Variants in IPO11 observed in about 807,000 individuals in gnomAD.
The protein encoded by IPO11 is importin-11.
In IPO11, 66 loss-of-function variants were observed where a neutral mutation model predicts 143.2. That is an observed-to-expected ratio of 0.46 (90% CI 0.38 to 0.57). The LOEUF (loss-of-function observed/expected upper bound fraction) is 0.57. Among genes scored for constraint, IPO11 ranks in the 20% least tolerant of loss-of-function variants. IPO11 has a pLI of 0.00. For missense variants in IPO11, 1,026 were observed against 1,141.0 expected, an observed-to-expected ratio of 0.90 and a Z score of 1.45; for synonymous variants, 385 against 377.8, an observed-to-expected ratio of 1.02 and a Z score of -0.22.
chr5:62,536,612 A>C, intron 22 of IPO11, 90 bp from the exon 23 acceptor site: 1 of 1,423,690 alleles, frequency 7.0e-7, no homozygotes, highest in Non-Finnish European at 9.4e-7. Flanking sequence ...TATGCAAATT[A>C]GTTTTAAATA....
chr5:62,523,331 G>A (rs888968146), intron 20 of IPO11, among the ~76,000 whole-genome samples: 2 of 152,104 alleles, frequency 1.3e-5, no homozygotes, highest in Non-Finnish European at 2.9e-5. Context: ...CTAACACTGT[G>A]CATTATTTGG....
intron 13 of IPO11, 27 bp from the exon 14 acceptor site, chr5:62,489,275 A>G (rs1420161916): frequency 1.9e-5 from 25 of 1,327,726 alleles, no homozygotes; most frequent in Non-Finnish European, 2.6e-5. Context: ...GCTTTTACTG[A>G]TACCTATTTA....
At chr5:62,415,832 TG>T (rs1743277081) in intron 1 of IPO11, among the ~76,000 whole-genome samples, 1 of 152,138 alleles carries the variant, frequency 6.6e-6, no homozygotes, top group South Asian at 2.1e-4. Context: ...ATACATTGAG[TG>T]GGAACTTCAT....
chr5:62,583,421 C>T (rs1744642604), intron 27 of IPO11, among the ~76,000 whole-genome samples: 1 of 152,080 alleles, frequency 6.6e-6, no homozygotes, highest in East Asian at 1.9e-4. Context: ...TTCCTAAATT[C>T]AAAAAAGGCA....
intron 21 of IPO11, among the ~76,000 whole-genome samples, chr5:62,527,981 C>T (rs935096955): frequency 6.6e-6 from 1 of 152,116 alleles, no homozygotes; most frequent in African/African-American, 2.4e-5. Context: ...ATAATTCCTA[C>T]CCTTACATGG....
chr5:62,490,233 TTTTATA>T lies in IPO11; in HGVS notation c.1463+19_1463+24del. ...TCATTCACAATAGGCAAGTATAAAA[TTTTATA>T]TTTATTATACACTTACTTTACCTTA... is the stretch of plus-strand genomic sequence containing the variant. On this transcript the variant is annotated intron_variant, in intron 15 of 29. Transcript: ENST00000325324. The T allele has an allele frequency of 6.6e-7, 1 of 1,508,100 alleles. No homozygotes were observed. Among genetic ancestry groups the T allele is most frequent in the East Asian group, 2.3e-5 (1 of 43,616 alleles). The allele number at this position is 1,508,100 out of a possible 1,614,324, so 93.4% of individuals were successfully genotyped here. A position where few individuals can be genotyped will look rare whatever the true frequency, so the allele number is the denominator to read the frequency against.
At chr5:62,542,546 A>AT (rs1395610997) in intron 24 of IPO11, among the ~76,000 whole-genome samples, 1 of 152,054 alleles carries the variant, frequency 6.6e-6, no homozygotes, top group Non-Finnish European at 1.5e-5. Context: ...TTTTAAATAT[A>AT]TTTTTTACTA....
chr5:62,610,651 C>G (rs1745893740), intron 29 of IPO11, among the ~76,000 whole-genome samples: 1 of 152,120 alleles, frequency 6.6e-6, no homozygotes, highest in Non-Finnish European at 1.5e-5. Flanking sequence ...GTTAAGTAAT[C>G]AAATAATCAA....
chr5:62,502,425 T>C (rs1741376474), intron 16 of IPO11, among the ~76,000 whole-genome samples: 1 of 152,228 alleles, frequency 6.6e-6, no homozygotes, highest in African/African-American at 2.4e-5. Flanking sequence ...CTTATTTCTT[T>C]TAAAGCTCAG....
At chr5:62,524,653 A>G (rs1042763577) in intron 20 of IPO11, among the ~76,000 whole-genome samples, 1 of 152,108 alleles carries the variant, frequency 6.6e-6, no homozygotes, top group African/African-American at 2.4e-5. Context: ...GTTTTTCATT[A>G]TTAAAAGGGA....
chr5:62,593,984 T>A (rs867840466), intron 28 of IPO11, among the ~76,000 whole-genome samples: 3 of 152,234 alleles, frequency 2.0e-5, no homozygotes, highest in South Asian at 4.1e-4. Flanking sequence ...TACATACTTA[T>A]GTAGCTAACT....
chr5:62,626,562 T>C (rs1746588280), intron 29 of IPO11, among the ~76,000 whole-genome samples: 1 of 152,192 alleles, frequency 6.6e-6, no homozygotes, highest in African/African-American at 2.4e-5. Flanking sequence ...CAAAATATTT[T>C]CTTTTGTCAT....
intron 5 of IPO11, 32 bp downstream of exon 5, chr5:62,451,965 T>C: frequency 3.2e-6 from 5 of 1,574,032 alleles, no homozygotes; most frequent in South Asian, 1.1e-5. Context: ...AATTTGATTA[T>C]GAAAATTGTG....
At chr5:62,466,877 A>G (rs372744212) in intron 5 of IPO11, among the ~76,000 whole-genome samples, 3 of 152,346 alleles carry the variant, frequency 2.0e-5, no homozygotes, top group African/African-American at 7.2e-5. Flanking sequence ...TTGATGAGGT[A>G]TTAATATTGT....
At chr5:62,592,812 C>T (rs1326638092) in intron 28 of IPO11, among the ~76,000 whole-genome samples, 4 of 152,134 alleles carry the variant, frequency 2.6e-5, no homozygotes, top group African/African-American at 7.2e-5. Context: ...CTCACAAGCA[C>T]GAGAACAGCA....
chr5:62,437,496 T>C, intron 2 of IPO11, 79 bp downstream of exon 2: 1 of 1,261,092 alleles, frequency 7.9e-7, no homozygotes, highest in Non-Finnish European at 1.1e-6. Context: ...CCTAGTTTTA[T>C]TGGTAGTTTA....
chr5:62,414,853 T>C (rs1714671483), intron 1 of IPO11, among the ~76,000 whole-genome samples: 1 of 152,190 alleles, frequency 6.6e-6, no homozygotes, highest in African/African-American at 2.4e-5. Context: ...ATTTATAGCA[T>C]CATTTATTTT....
chr5:62,433,915 G>C (rs982602989), intron 1 of IPO11, among the ~76,000 whole-genome samples: 1 of 152,102 alleles, frequency 6.6e-6, no homozygotes, highest in Non-Finnish European at 1.5e-5. Flanking sequence ...TTTGGTGGAG[G>C]GGGTGGGATG....
At chr5:62,476,822 T>C (rs1450434643) in intron 9 of IPO11, 69 bp downstream of exon 9, 2 of 1,382,498 alleles carry the variant, frequency 1.4e-6, no homozygotes, top group Non-Finnish European at 1.9e-6. Flanking sequence ...GAAAATGATA[T>C]TTTTATAACC....
Sources: gnomAD v4.1 joint callset for allele counts (sites outside exome capture counted in the v4.1 genomes callset) on GRCh38, gnomAD v4.1.1 for gene constraint, MANE v1.5 for transcripts, NCBI Gene and HGNC (gene_info 2026-07-23, HGNC 2026-07-21) for gene names.